Variants in MEOX2 observed in about 807,000 individuals in gnomAD.
The protein encoded by MEOX2 is mesenchyme homeobox 2.
A neutral mutation model predicts 27.0 loss-of-function variants in MEOX2; 11 were observed. The ratio of observed to expected loss-of-function variants is 0.41; its 90% CI spans 0.26 to 0.68. The LOEUF is 0.68. Ranked by LOEUF, MEOX2 falls within the 30% of genes least tolerant of loss-of-function variation. The pLI is 0.33. For synonymous variants in MEOX2, 189 were observed against 155.4 expected, an observed-to-expected ratio of 1.22 and a Z score of -1.61; for missense variants, 436 against 385.4, an observed-to-expected ratio of 1.13 and a Z score of -1.10.
intron 1 of MEOX2, among the ~76,000 whole-genome samples, chr7:15,671,118 T>C (rs1782088492): frequency 6.6e-6 from 1 of 152,162 alleles, no homozygotes; most frequent in Non-Finnish European, 1.5e-5. Flanking sequence ...TGCTGTAATT[T>C]TCCAATATAA....
intron 1 of MEOX2, among the ~76,000 whole-genome samples, chr7:15,649,394 A>G (rs917933419): frequency 2.0e-5 from 3 of 152,066 alleles, no homozygotes; most frequent in African/African-American, 7.2e-5. Flanking sequence ...CGAAGAACAT[A>G]CTTTGTACTA....
At chr7:15,664,624 C>T (rs974722516) in intron 1 of MEOX2, among the ~76,000 whole-genome samples, 4 of 152,106 alleles carry the variant, frequency 2.6e-5, no homozygotes, top group African/African-American at 9.7e-5. Context: ...AATAAAAATA[C>T]TTCAGGGCTA....
intron 1 of MEOX2, among the ~76,000 whole-genome samples, chr7:15,662,307 A>C (rs889708450): frequency 6.6e-6 from 1 of 152,086 alleles, no homozygotes; most frequent in African/African-American, 2.4e-5. Context: ...GATGTGTATT[A>C]GTTATAGGGG....
chr7:15,645,077 G>T (rs1781620635), intron 1 of MEOX2, among the ~76,000 whole-genome samples: 1 of 152,158 alleles, frequency 6.6e-6, no homozygotes, highest in African/African-American at 2.4e-5. Flanking sequence ...AAGGTAAGGA[G>T]GTATGATTAG....
chr7:15,649,312 A>C (rs1781698897), intron 1 of MEOX2, among the ~76,000 whole-genome samples: 1 of 152,110 alleles, frequency 6.6e-6, no homozygotes, highest in African/African-American at 2.4e-5. Flanking sequence ...GAGCTTATAA[A>C]AATAGTGTGC....
chr7:15,662,426 T>A (rs986171404), intron 1 of MEOX2, among the ~76,000 whole-genome samples: 10 of 151,962 alleles, frequency 6.6e-5, no homozygotes, highest in African/African-American at 2.4e-4. Context: ...ACCAAACTGC[T>A]CCAATAGCAT....
intron 1 of MEOX2, among the ~76,000 whole-genome samples, chr7:15,671,921 A>G (rs1782103963): frequency 6.6e-6 from 1 of 151,686 alleles, no homozygotes; most frequent in Non-Finnish European, 1.5e-5. Flanking sequence ...AATCTCTACT[A>G]ATCTCTACTA....
chr7:15,621,962 C>T (rs890399690), intron 2 of MEOX2, among the ~76,000 whole-genome samples: 54 of 152,050 alleles, frequency 3.6e-4, no homozygotes, highest in Middle Eastern at 3.4e-3. Context: ...ACTAAAAATA[C>T]AAAAAATTAG....
Position 15,686,600 on chromosome 7 carries a change from C to A in MEOX2, c.-198G>T. Reference sequence around the variant, plus strand: ...CTCCTTTACATATGAACAGTCGGACCTGGAAGAGCTTCCCTGAGCTACTCA... The same window carrying A: ...CTCCTTTACATATGAACAGTCGGACATGGAAGAGCTTCCCTGAGCTACTCA... On this transcript the variant is annotated 5_prime_UTR_variant, in exon 1 of 3. In the 5' UTR this introduces an upstream ATG that the reference lacks. Coordinates refer to ENST00000262041, the MANE Select transcript of MEOX2 (RefSeq NM_005924.5). 1 of 596,098 alleles carries A rather than the reference C, an allele frequency of 1.7e-6. No homozygotes were observed. The highest frequency in any genetic ancestry group is 3.0e-6 in the Non-Finnish European group (1 of 338,364). The allele number at this position is 596,098 out of a possible 1,614,324, so 36.9% of individuals were successfully genotyped here. A position where few individuals can be genotyped will look rare whatever the true frequency, so the allele number is the denominator to read the frequency against.
intron 1 of MEOX2, chr7:15,679,828 T>C (rs1156310902): frequency 6.6e-6 from 1 of 151,958 alleles, no homozygotes; most frequent in Non-Finnish European, 1.5e-5. Context: ...ACAAACCCTT[T>C]CCAAAAATGT....
intron 2 of MEOX2, among the ~76,000 whole-genome samples, chr7:15,619,325 T>C (rs1186788575): frequency 6.6e-6 from 1 of 152,016 alleles, no homozygotes. Flanking sequence ...AGTCTCTTTC[T>C]TTAGCAGTAC....
In MEOX2 at chr7:15,686,674, A is replaced by G; in HGVS notation, c.-272T>C. 1 of 479,270 alleles carries G rather than the reference A, an allele frequency of 2.1e-6. No homozygotes were observed. Among genetic ancestry groups the G allele is most frequent in the Non-Finnish European group, 3.7e-6 (1 of 271,516 alleles). The allele number at this position is 479,270 out of a possible 1,614,324, so 29.7% of individuals were successfully genotyped here. On this transcript the variant is annotated 5_prime_UTR_variant, in exon 1 of 3. Coordinates refer to ENST00000262041, the MANE Select transcript of MEOX2 (RefSeq NM_005924.5). ...AAGCCAAAAGAAGGTGGTCCCAGAG[A>G]ACTGCTTTCAGGGGGAAATGGCTCT... is the stretch of plus-strand genomic sequence containing the variant.
In MEOX2 at chr7:15,686,176, T is replaced by C. The variant is rs761894513; in HGVS notation, c.227A>G (p.His76Arg). 7.8e-6 allele frequency: 5 copies of C among 639,412 alleles called. No homozygotes were observed. The highest frequency in any genetic ancestry group is 2.0e-5 in the South Asian group (1 of 51,186). 39.6% of individuals were successfully genotyped at this position (639,412 alleles called of 1,614,324 possible). ...RGHHHHHHHH[H>R]HHHHQQQQHQ... Reference sequence around the variant, plus strand: ...CTGCTGCTGCTGATGGTGGTGATGGTGGTGGTGGTGGTGGTGGTGGTGGTG... The same window carrying C: ...CTGCTGCTGCTGATGGTGGTGATGGCGGTGGTGGTGGTGGTGGTGGTGGTG... The change falls in exon 1 of 3, where the codon CAC becomes CGC. Residue 76 changes from histidine to arginine, a missense_variant. His to Arg is a conservative substitution (Grantham distance 29). Transcript: ENST00000262041.
intron 1 of MEOX2, among the ~76,000 whole-genome samples, chr7:15,659,758 C>CAAA (rs58319551): frequency 0.01 from 561 of 53,968 alleles, 20 homozygotes; most frequent in African/African-American, 0.029. Context: ...AGACTGCTCT[C>CAAA]AAAAAAAAAA....
At position 15,685,854 on chromosome 7, in the gene MEOX2, C is replaced by A. The variant is rs576956999; in HGVS notation, c.517+32G>T. The A allele has an allele frequency of 4.5e-6, 7 of 1,548,734 alleles. No individual in the cohort carries two copies. In the South Asian group the frequency reaches 7.5e-5, roughly 17 times the overall value. On this transcript the variant is annotated intron_variant, in intron 1 of 2. Coordinates refer to ENST00000262041, the MANE Select transcript of MEOX2 (RefSeq NM_005924.5). ...TCTCCGCCCCTTTTCCAGCCCGGCGCGCACTCTCGAGGGTGCCTGGCGCGC... is the reference window on the plus strand; with the variant it reads ...TCTCCGCCCCTTTTCCAGCCCGGCGAGCACTCTCGAGGGTGCCTGGCGCGC...
chr7:15,681,975 T>A (rs1437204762), intron 1 of MEOX2: 1 of 151,776 alleles, frequency 6.6e-6, no homozygotes, highest in South Asian at 2.1e-4. Context: ...GCATTTTAAT[T>A]CTAAAGGAAT....
chr7:15,673,438 C>T (rs1304343726), intron 1 of MEOX2, among the ~76,000 whole-genome samples: 2 of 151,792 alleles, frequency 1.3e-5, no homozygotes, highest in Admixed American at 6.6e-5. Context: ...ATCTGGCAGG[C>T]GTCATAGAAC....
At chr7:15,649,678 G>A (rs1476840094) in intron 1 of MEOX2, among the ~76,000 whole-genome samples, 3 of 152,178 alleles carry the variant, frequency 2.0e-5, no homozygotes, top group Middle Eastern at 6.8e-3. Flanking sequence ...TTAATGCCAT[G>A]TCGATGCCAT....
At chr7:15,680,311 C>G (rs1782272706) in intron 1 of MEOX2, 1 of 151,794 alleles carries the variant, frequency 6.6e-6, no homozygotes, top group Non-Finnish European at 1.5e-5. Context: ...TCTAGTACAA[C>G]ATTCTTTAAA....
Sources: allele counts gnomAD v4.1 joint callset (sites outside exome capture counted in the v4.1 genomes callset), GRCh38; gene constraint gnomAD v4.1.1; transcripts MANE v1.5; gene names NCBI Gene and HGNC (gene_info 2026-07-23, HGNC 2026-07-21).